The following LPCAT2 variants were observed in gnomAD, a reference collection of about 807,000 sequenced individuals.
LPCAT2 encodes the protein lysophosphatidylcholine acyltransferase 2, also known as 1-AGP acyltransferase 11.
Under a neutral mutation model 64.7 loss-of-function variants are expected in LPCAT2, and 58 were observed. The ratio of observed to expected loss-of-function variants is 0.90; its 90% CI spans 0.73 to 1.12. The LOEUF (loss-of-function observed/expected upper bound fraction) is 1.12, where lower values mean the gene tolerates loss of function less well. Among genes scored for constraint, LPCAT2 ranks in the 50% most tolerant of loss-of-function variants. The pLI is 0.00. For synonymous variants in LPCAT2, 252 were observed against 245.3 expected, an observed-to-expected ratio of 1.03 and a Z score of -0.26; for missense variants, 579 against 669.8, an observed-to-expected ratio of 0.86 and a Z score of 1.50.
chr16:55,574,335 G>A (rs1210670251), intron 11 of LPCAT2, among the ~76,000 whole-genome samples: 4 of 152,144 alleles, frequency 2.6e-5, no homozygotes, highest in Non-Finnish European at 5.9e-5. Context: ...CTGCCTCCCA[G>A]AGGGGCTCCC....
intron 11 of LPCAT2, chr16:55,566,853 G>A: frequency 6.2e-7 from 1 of 1,613,880 alleles, no homozygotes; most frequent in Non-Finnish European, 8.5e-7. Context: ...AAGAGAAGGA[G>A]GAGGAAGAAA....
chr16:55,542,090 A>G (rs1483840458), intron 8 of LPCAT2: 1 of 632,482 alleles, frequency 1.6e-6, no homozygotes, highest in Non-Finnish European at 2.2e-6. Context: ...TAGTCAAGAA[A>G]AAATGAATAA....
Position 55,528,588 on chromosome 16 carries a change from A to T in LPCAT2, c.523A>T (p.Ile175Phe). Reference protein sequence around the residue: ...SRNENAQVPLIGRLLRAVQPV... With the variant: ...SRNENAQVPLFGRLLRAVQPV... ...AAATGAGAATGCACAAGTCCCTCTG[A>T]TTGGCAGTAAGTACTTGTAAGGTAA... The change falls in exon 3 of 14, where the codon ATT (isoleucine) becomes TTT (phenylalanine). Residue 175 changes from isoleucine to phenylalanine, a missense_variant. Coordinates refer to ENST00000262134, the MANE Select transcript of LPCAT2 (RefSeq NM_017839.5). The T allele has an allele frequency of 6.2e-7, 1 of 1,609,154 alleles. No individual in the cohort carries two copies. Among genetic ancestry groups the T allele is most frequent in the Non-Finnish European group, 8.5e-7 (1 of 1,175,600 alleles).
intron 11 of LPCAT2, among the ~76,000 whole-genome samples, chr16:55,562,898 T>C (rs1212565656): frequency 6.6e-6 from 1 of 151,808 alleles, no homozygotes; most frequent in African/African-American, 2.4e-5. Context: ...ATAACTAGTA[T>C]TAAAGGTAGG....
At chr16:55,530,240 T>C (rs1163385037) in intron 4 of LPCAT2, among the ~76,000 whole-genome samples, 3 of 152,162 alleles carry the variant, frequency 2.0e-5, no homozygotes, top group African/African-American at 7.2e-5. Context: ...ATTACCACTT[T>C]ATAGATGAGA....
chr16:55,512,577 G>C (rs1212665841), intron 1 of LPCAT2, among the ~76,000 whole-genome samples: 1 of 152,174 alleles, frequency 6.6e-6, no homozygotes, highest in Admixed American at 6.5e-5. Flanking sequence ...GGAAGTCCCA[G>C]AAAGGAGGAA....
chr16:55,541,434 A>G (rs1467683411), intron 8 of LPCAT2: 1 of 152,982 alleles, frequency 6.5e-6, no homozygotes, highest in Non-Finnish European at 1.5e-5. Context: ...ACATTTATAT[A>G]GTTTATTTAA....
intron 11 of LPCAT2, chr16:55,567,466 C>T (rs1317528741): frequency 1.2e-6 from 2 of 1,613,718 alleles, no homozygotes. Flanking sequence ...ATTCAAGTGT[C>T]TATCAAAGAA....
chr16:55,541,245 T>C (rs1963392783), intron 8 of LPCAT2: 1 of 152,102 alleles, frequency 6.6e-6, no homozygotes, highest in Admixed American at 6.6e-5. Flanking sequence ...AGGCCTAAAA[T>C]ACTCTGTTGT....
At chr16:55,543,517 T>C (rs1230820650) in intron 8 of LPCAT2, among the ~76,000 whole-genome samples, 1 of 152,224 alleles carries the variant, frequency 6.6e-6, no homozygotes, top group Non-Finnish European at 1.5e-5. Context: ...AGAGATTTTA[T>C]GAACATTAAT....
At position 55,543,773 on chromosome 16, in the gene LPCAT2, A is replaced by C. The variant is rs550790559; in HGVS notation, c.853-1962A>C. On this transcript the variant is annotated intron_variant, in intron 8 of 13. Coordinates refer to ENST00000262134, the MANE Select transcript of LPCAT2 (RefSeq NM_017839.5). The stretch of plus-strand genomic sequence containing the variant: ...AGAGATCGTTTAGTTAAATTTTTTC[A>C]TTTGACAGGAGAGGGCACTGAGGCT... Among the ~76,000 whole-genome samples the C allele has an allele frequency of 2.5e-4, 38 of 152,312 alleles. No homozygotes were observed. The South Asian group carries it at 4.8e-3, about 19-fold the overall frequency.
chr16:55,567,664 T>A (rs988330193), intron 11 of LPCAT2: 1 of 694,630 alleles, frequency 1.4e-6, no homozygotes, highest in African/African-American at 1.8e-5. Flanking sequence ...TACTGCTGAA[T>A]TAAAACAGAT....
intron 7 of LPCAT2, 107 bp downstream of exon 7, chr16:55,534,584 T>C (rs1963299920): frequency 3.7e-6 from 2 of 534,232 alleles, no homozygotes; most frequent in African/African-American, 2.0e-5. Context: ...AAAATATTGT[T>C]ATATTTAAAA....
chr16:55,548,838 C>T (rs531091899), intron 9 of LPCAT2, among the ~76,000 whole-genome samples: 2 of 152,206 alleles, frequency 1.3e-5, no homozygotes, highest in South Asian at 4.2e-4. Flanking sequence ...AAACAGTACC[C>T]TCCACAGGCA....
intron 11 of LPCAT2, among the ~76,000 whole-genome samples, chr16:55,568,437 A>G (rs1449441203): frequency 6.6e-6 from 1 of 152,232 alleles, no homozygotes; most frequent in African/African-American, 2.4e-5. Context: ...AGAAAAACAC[A>G]TGAACAGTAA....
Position 55,549,391 on chromosome 16 carries a change from C to T in LPCAT2, c.1050C>T (p.Ser350=). 1.3e-6 allele frequency: 2 copies of T among 1,587,462 alleles called. No homozygotes were observed. The highest frequency in any genetic ancestry group is 1.7e-6 in the Non-Finnish European group (2 of 1,172,504). ...EAGLVEFTKI[S]RKLKLDWDGV... The stretch of plus-strand genomic sequence containing the variant: ...GGCTGGTGGAATTTACTAAAATTAG[C>T]CGAAAATTGAAGTAAGTGTATTTTA... Residue 350 remains serine, a synonymous_variant, in exon 10 of 14, where the codon AGC becomes AGT. Transcript: ENST00000262134.
rs1963905006 is a variant in LPCAT2, at chr16:55,583,066, G to A, written c.1603G>A (p.Glu535Lys). The change falls in exon 14 of 14, where the codon GAA (glutamate) becomes AAA (lysine). Residue 535 changes from glutamate to lysine, a missense_variant. By Grantham distance (56) the Glu-to-Lys change is moderately conservative. Coordinates refer to ENST00000262134, the MANE Select transcript of LPCAT2 (RefSeq NM_017839.5). ...TAATAAAGTCAGCCCTGAAAAGCATGAAGAGAGTACCTCAGACAAAAAAGA... is the reference window on the plus strand; with the variant it reads ...TAATAAAGTCAGCCCTGAAAAGCATAAAGAGAGTACCTCAGACAAAAAAGA... The part of the protein sequence containing the change: ...ASNKVSPEKH[E>K]ESTSDKKDD 6.2e-7 allele frequency: 1 copy of A among 1,613,594 alleles called. No homozygotes were observed. The highest frequency in any genetic ancestry group is 1.3e-5 in the African/African-American group (1 of 74,890).
intron 3 of LPCAT2, among the ~76,000 whole-genome samples, chr16:55,528,818 C>T (rs1300977998): frequency 6.6e-6 from 1 of 152,082 alleles, no homozygotes; most frequent in Non-Finnish European, 1.5e-5. Flanking sequence ...CTTTTTATCA[C>T]TATGTCATTG....
At chr16:55,523,848 G>T (rs72810802) in intron 1 of LPCAT2, among the ~76,000 whole-genome samples, 12,198 of 151,742 alleles carry the variant, frequency 0.08, 679 homozygotes, top group Non-Finnish European at 0.12. Context: ...ACTGCATAGG[G>T]GTATGCATTT....
Sources: gnomAD v4.1 joint callset for allele counts (sites outside exome capture counted in the v4.1 genomes callset) on GRCh38, gnomAD v4.1.1 for gene constraint, MANE v1.5 for transcripts, NCBI Gene and HGNC (gene_info 2026-07-23, HGNC 2026-07-21) for gene names.